Variants in CACNB4 observed in about 807,000 individuals in gnomAD.
CACNB4 encodes calcium voltage-gated channel auxiliary subunit beta 4.
A neutral mutation model predicts 71.2 loss-of-function variants in CACNB4; 32 were observed. The ratio of observed to expected loss-of-function variants is 0.45; its 90% confidence interval spans 0.34 to 0.60. The LOEUF is 0.60. CACNB4 is among the 20% of genes least tolerant of loss of function. The pLI, the probability that CACNB4 is intolerant of heterozygous loss-of-function variation, is 0.01. For synonymous variants in CACNB4, 231 were observed against 236.9 expected (o/e 0.97, Z 0.23); for missense variants, 464 against 647.9 (o/e 0.72, Z 3.08).
At position 151,893,039 on chromosome 2, in the gene CACNB4, G is replaced by A. The variant is rs557713113; in HGVS notation, c.148-9669C>T. On this transcript the variant is annotated intron_variant, in intron 2 of 13. Coordinates refer to ENST00000539935, the MANE Select transcript of CACNB4 (RefSeq NM_000726.5). The stretch of plus-strand genomic sequence containing the variant: ...GAGAATTAGCCTTTTTAATAGATAT[G>A]AAAATATATAAAACTACAAAAGTTA... Among the ~76,000 whole-genome samples, 5 of 152,266 alleles carry A rather than the reference G, an allele frequency of 3.3e-5. No individual in the cohort carries two copies. The East Asian group carries it at 9.6e-4, about 29-fold the overall frequency.
At chr2:151,870,817 G>A (rs765040235) in intron 7 of CACNB4, 25 bp downstream of exon 7, 2 of 1,582,984 alleles carry the variant, frequency 1.3e-6, no homozygotes, top group South Asian at 2.3e-5. Context: ...CTTAACAGTA[G>A]ATTTAAAAAG....
chr2:151,973,599 G>T (rs979269287), intron 2 of CACNB4: 17 of 1,386,784 alleles, frequency 1.2e-5, no homozygotes, highest in African/African-American at 2.8e-5. Context: ...TAAGAAGCGG[G>T]GGGGTGGAGG....
At chr2:151,985,181 T>C (rs1486734282) in intron 2 of CACNB4, among the ~76,000 whole-genome samples, 9 of 152,210 alleles carry the variant, frequency 5.9e-5, no homozygotes, top group Admixed American at 5.9e-4. Flanking sequence ...TACTAAAATA[T>C]GATTACTGTT....
chr2:152,005,775 C>T lies in CACNB4; in HGVS notation c.147+92555G>A, dbSNP rs143290257. On this transcript the variant is annotated intron_variant, in intron 2 of 13. Transcript: ENST00000539935. ...TAATTCTAAGTGCAAGTGCAACCACCACTGTGTCCCAGATTTCTGTCACAA... is the reference window on the plus strand; with the variant it reads ...TAATTCTAAGTGCAAGTGCAACCACTACTGTGTCCCAGATTTCTGTCACAA... 2.5e-3 allele frequency among the ~76,000 whole-genome samples: 376 copies of T among 152,284 alleles called. 5 individuals carry two copies. The highest frequency in any genetic ancestry group is 8.4e-3 in the African/African-American group (348 of 41,574).
At chr2:152,079,578 G>A (rs1211449785) in intron 2 of CACNB4, among the ~76,000 whole-genome samples, 1 of 151,932 alleles carries the variant, frequency 6.6e-6, no homozygotes, top group Non-Finnish European at 1.5e-5. Context: ...TTGAGTCTAG[G>A]AGTTTGAGAC....
At chr2:152,044,443 C>T (rs186444939) in intron 2 of CACNB4, among the ~76,000 whole-genome samples, 5,110 of 152,274 alleles carry the variant, frequency 0.034, 117 homozygotes, top group Non-Finnish European at 0.045. Flanking sequence ...TGGTCTGGAA[C>T]TCCTGACCTT....
chr2:152,013,609 C>T lies in CACNB4; in HGVS notation c.147+84721G>A, dbSNP rs913247312. ...GATACGCAGGGGGCCAAATTGAGCA[C>T]GAGATCCTGCACAAAAGCATGCCCC... On this transcript the variant is annotated intron_variant, in intron 2 of 13. Transcript: ENST00000539935. 3.3e-5 allele frequency among the ~76,000 whole-genome samples: 5 copies of T among 152,076 alleles called. No individual in the cohort carries two copies. The South Asian group carries it at 6.2e-4, about 19-fold the overall frequency.
At chr2:152,018,797 C>T (rs961019226) in intron 2 of CACNB4, among the ~76,000 whole-genome samples, 4 of 93,016 alleles carry the variant, frequency 4.3e-5, no homozygotes, top group African/African-American at 1.4e-4. Flanking sequence ...TAGTAAGACC[C>T]TGTCTCAAAA....
At chr2:152,020,115 G>A (rs1000691047) in intron 2 of CACNB4, among the ~76,000 whole-genome samples, 1 of 152,172 alleles carries the variant, frequency 6.6e-6, no homozygotes, top group Non-Finnish European at 1.5e-5. Flanking sequence ...TAGAGATCCT[G>A]GTCCAGTCCT....
chr2:152,028,929 T>A (rs1156644522), intron 2 of CACNB4, among the ~76,000 whole-genome samples: 1 of 152,198 alleles, frequency 6.6e-6, no homozygotes, highest in Non-Finnish European at 1.5e-5. Flanking sequence ...CACTTCTGAG[T>A]AGCTTTGAAG....
At chr2:152,033,505 C>T (rs139819647) in intron 2 of CACNB4, among the ~76,000 whole-genome samples, 273 of 152,326 alleles carry the variant, frequency 1.8e-3, no homozygotes, top group African/African-American at 6.3e-3. Context: ...ACGTGAAGAT[C>T]CTACCCTATC....
intron 2 of CACNB4, among the ~76,000 whole-genome samples, chr2:151,904,889 C>G (rs1578728699): frequency 6.6e-6 from 1 of 152,138 alleles, no homozygotes; most frequent in African/African-American, 2.4e-5. Flanking sequence ...TATTTGGCTT[C>G]CAGGATTACT....
chr2:151,943,250 T>C lies in CACNB4; in HGVS notation c.148-59880A>G, dbSNP rs140239040. ...TCAGCCAGCTGACACTTATGGAAAA[T>C]AGAAAGAACCTACGTTGAAATATTG... On this transcript the variant is annotated intron_variant, in intron 2 of 13. Coordinates refer to ENST00000539935, the MANE Select transcript of CACNB4 (RefSeq NM_000726.5). Among the ~76,000 whole-genome samples the C allele has an allele frequency of 2.4e-3, 367 of 152,232 alleles. 3 individuals carry two copies. Among genetic ancestry groups the C allele is most frequent in the African/African-American group, 8.4e-3 (349 of 41,546 alleles).
chr2:151,949,846 G>A (rs886436645), intron 2 of CACNB4, among the ~76,000 whole-genome samples: 8 of 152,126 alleles, frequency 5.3e-5, no homozygotes, highest in African/African-American at 1.9e-4. Context: ...TCAGGAGTTC[G>A]AGACCAACAT....
chr2:151,847,615 C>T (rs778726591), intron 12 of CACNB4, among the ~76,000 whole-genome samples: 4 of 151,976 alleles, frequency 2.6e-5, no homozygotes, highest in Non-Finnish European at 4.4e-5. Flanking sequence ...ATGATGGGTG[C>T]GGTGGCTCAC....
At chr2:152,054,310 G>C (rs1356398547) in intron 2 of CACNB4, among the ~76,000 whole-genome samples, 2 of 145,924 alleles carry the variant, frequency 1.4e-5, no homozygotes, top group African/African-American at 5.1e-5. Context: ...AGCTTGCAGT[G>C]AGCCGAGATC....
intron 2 of CACNB4, among the ~76,000 whole-genome samples, chr2:152,083,662 C>T (rs528901981): frequency 1.3e-5 from 2 of 152,352 alleles, no homozygotes; most frequent in South Asian, 2.1e-4. Context: ...CTTTCACTTG[C>T]ATGAGTCAAT....
chr2:151,905,736 C>G (rs1465843444), intron 2 of CACNB4, among the ~76,000 whole-genome samples: 3 of 152,150 alleles, frequency 2.0e-5, no homozygotes, highest in Admixed American at 6.6e-5. Flanking sequence ...GCGAGCTTGA[C>G]AGCTAAAGAG....
intron 2 of CACNB4, among the ~76,000 whole-genome samples, chr2:151,944,493 T>C (rs975552743): frequency 6.6e-6 from 1 of 152,030 alleles, no homozygotes; most frequent in Non-Finnish European, 1.5e-5. Context: ...AGAGACATGA[T>C]AAAAGTTACA....
Sources: allele counts gnomAD v4.1 joint callset (sites outside exome capture counted in the v4.1 genomes callset), GRCh38; gene constraint gnomAD v4.1.1; transcripts MANE v1.5; gene names NCBI Gene and HGNC (gene_info 2026-07-23, HGNC 2026-07-21).